The following KIF1C variants were observed in gnomAD, a reference collection of about 807,000 sequenced individuals.
The protein encoded by KIF1C is kinesin-like protein KIF1C.
Under a neutral mutation model 126.5 loss-of-function variants are expected in KIF1C, and 61 were observed. That is an observed-to-expected ratio of 0.48 (90% CI 0.39 to 0.60). KIF1C has a LOEUF of 0.60. KIF1C is among the 20% of genes least tolerant of loss of function. KIF1C has a pLI of 0.00. For missense variants in KIF1C, 1,315 were observed against 1,489.2 expected, an observed-to-expected ratio of 0.88 and a Z score of 1.93; for synonymous variants, 640 against 580.6, an observed-to-expected ratio of 1.10 and a Z score of -1.47.
chr17:5,019,690 C>G, intron 18 of KIF1C: 1 of 389,420 alleles, frequency 2.6e-6, no homozygotes. Context: ...AGCAGTTAAA[C>G]ATGAGGAATG....
In KIF1C at chr17:5,002,862, C is replaced by T. The variant is rs201019441; in HGVS notation, c.720+20C>T. Reference sequence around the variant, plus strand: ...GAGAAGGTGGGATCGCCCCCCCCCCCACTCCCCCACCGGATGCAACCTCCC... The same window carrying T: ...GAGAAGGTGGGATCGCCCCCCCCCCTACTCCCCCACCGGATGCAACCTCCC... On this transcript the variant is annotated intron_variant, in intron 8 of 22. Coordinates refer to ENST00000320785, the MANE Select transcript of KIF1C (RefSeq NM_006612.6). The T allele has an allele frequency of 1.1e-5, 16 of 1,484,716 alleles. No individual in the cohort carries two copies. Among genetic ancestry groups the T allele is most frequent in the African/African-American group, 1.8e-5 (1 of 56,760 alleles). The allele number at this position is 1,484,716 out of a possible 1,614,324, so 92.0% of individuals were successfully genotyped here.
In KIF1C at chr17:5,023,923, TCCC is replaced by T; in HGVS notation, c.3086_3088del (p.Pro1029del). The T allele has an allele frequency of 6.4e-7, 1 of 1,566,442 alleles. No individual in the cohort carries two copies. Among genetic ancestry groups the T allele is most frequent in the South Asian group, 1.2e-5 (1 of 84,410 alleles). On this transcript the variant is annotated inframe_deletion, in exon 23 of 23. Transcript: ENST00000320785. This position sits in a 1 kb window ranked among gnomAD's most constrained non-coding sequence, Gnocchi z 4.2. ...CTCCGAGTCCCCGAAGGTCCCACCA[TCCC>T]CGCAGGAACTCCCTGGATGGAGGGG... is the stretch of plus-strand genomic sequence containing the variant.
intron 16 of KIF1C, 30 bp downstream of exon 16, chr17:5,007,572 G>A (rs752417212): frequency 2.0e-6 from 3 of 1,515,024 alleles, no homozygotes; most frequent in South Asian, 2.6e-5. Context: ...AGGAGGCCTA[G>A]AGAGCTCTCT....
chr17:5,020,081 TAGA>T lies in KIF1C; in HGVS notation c.1750+6_1750+8del, dbSNP rs551276433. ...CGGAGCCGCTGGTGCTGAAGTCAGGTAGAAGATGTGTCGCAGATTGAGGGTTCT... is the reference window on the plus strand; with the variant it reads ...CGGAGCCGCTGGTGCTGAAGTCAGGTAGATGTGTCGCAGATTGAGGGTTCT... On this transcript the variant is annotated splice_donor_5th_base_variant and intron_variant, in intron 19 of 22. Coordinates refer to ENST00000320785, the MANE Select transcript of KIF1C (RefSeq NM_006612.6). The surrounding 1 kb of genome is among the most constrained non-coding windows in gnomAD (Gnocchi z 5.8). 2.1e-4 allele frequency: 328 copies of T among 1,583,496 alleles called. No homozygotes were observed. In the African/African-American group the frequency reaches 3.9e-3, roughly 19 times the overall value.
At chr17:5,021,046 T>C (rs953142334) in intron 21 of KIF1C, among the ~76,000 whole-genome samples, 168 bp downstream of exon 21, 2 of 151,982 alleles carry the variant, frequency 1.3e-5, no homozygotes, top group Admixed American at 6.6e-5. Flanking sequence ...GAAGAATCCA[T>C]TGTGAGGAAG....
chr17:5,021,219 C>G (rs1250214300), intron 21 of KIF1C, among the ~76,000 whole-genome samples: 1 of 125,028 alleles, frequency 8.0e-6, no homozygotes, highest in Non-Finnish European at 1.6e-5. Context: ...GTCACCCAGG[C>G]TGGAACGCAG....
At chr17:5,002,397 TC>T in intron 6 of KIF1C, 66 bp from the exon 7 acceptor site, 1 of 1,417,596 alleles carries the variant, frequency 7.1e-7, no homozygotes, top group East Asian at 2.3e-5. Flanking sequence ...TCCAGTGGAG[TC>T]AGATTAAGTT....
At chr17:5,012,112 G>A (rs1180927844) in intron 16 of KIF1C, 2 of 152,200 alleles carry the variant, frequency 1.3e-5, no homozygotes, top group Non-Finnish European at 2.9e-5. Context: ...TTGTAATGGT[G>A]TTTCCACGCC....
At position 5,022,661 on chromosome 17, in the gene KIF1C, C is replaced by T. The variant is rs1436491955; in HGVS notation, c.2580C>T (p.Ala860=). ...QNSSKDRELQ[A]LRDRMLRMER... ...GCAGCAAGGACCGGGAGCTGCAGGC[C>T]CTGCGGGACCGCATGCTCCGCATGG... Residue 860 remains alanine (A), a synonymous_variant, in exon 22 of 23, where the codon GCC becomes GCT. Transcript: ENST00000320785. The surrounding 1 kb of genome is among the most constrained non-coding windows in gnomAD (Gnocchi z 4.9). The T allele has an allele frequency of 6.3e-7, 1 of 1,594,176 alleles. No homozygotes were observed. The highest frequency in any genetic ancestry group is 1.7e-5 in the Admixed American group (1 of 58,404).
At position 5,023,968 on chromosome 17, in the gene KIF1C, G is replaced by C. The variant is rs774273753; in HGVS notation, c.3129G>C (p.Ala1043=). ...ATGGAGGGGGCCGATCCCGGGGAGC[G>C]GGTTCTGCACAGCCTGAACCCCAGC... ...SLDGGGRSRG[A]GSAQPEPQHF... The change falls in exon 23 of 23, where the codon GCG becomes GCC. Residue 1043 remains alanine (A), a synonymous_variant. Transcript: ENST00000320785. This position sits in a 1 kb window ranked among gnomAD's most constrained non-coding sequence, Gnocchi z 4.2. The C allele has an allele frequency of 1.6e-5, 26 of 1,581,312 alleles. No homozygotes were observed. Among genetic ancestry groups the C allele is most frequent in the Middle Eastern group, 1.7e-4 (1 of 5,882 alleles).
Position 5,022,165 on chromosome 17 carries a change from T to C in KIF1C, c.2084T>C (p.Leu695Ser). ...CEESWRLISS[L>S]REQLPPTTVQ... ...GAGAGCTGGAGGCTCATCTCCTCCT[T>C]GCGGGAGCAGCTGCCGCCCACCACG... The change falls in exon 22 of 23, where the codon TTG becomes TCG. Residue 695 changes from leucine (L) to serine (S), a missense_variant. Leu to Ser is a moderately radical substitution (Grantham distance 145). Coordinates refer to ENST00000320785, the MANE Select transcript of KIF1C (RefSeq NM_006612.6). The surrounding 1 kb of genome is among the most constrained non-coding windows in gnomAD (Gnocchi z 4.9). 1 of 1,614,048 alleles carries C rather than the reference T, an allele frequency of 6.2e-7. No homozygotes were observed. The highest frequency in any genetic ancestry group is 1.1e-5 in the South Asian group (1 of 91,084).
chr17:5,001,200 C>G (rs370271731), intron 4 of KIF1C, 22 bp from the exon 5 acceptor site: 27 of 1,612,118 alleles, frequency 1.7e-5, no homozygotes, highest in Non-Finnish European at 2.2e-5. Flanking sequence ...CTCTGTTTTT[C>G]TCTGCCCCCA....
chr17:5,007,207 A>G, intron 14 of KIF1C, 56 bp from the exon 15 acceptor site: 2 of 1,577,014 alleles, frequency 1.3e-6, no homozygotes, highest in Non-Finnish European at 1.7e-6. Context: ...GGTTGTCCCT[A>G]CCCTGGGTCT....
chr17:5,009,348 A>G (rs2143339206), intron 16 of KIF1C, among the ~76,000 whole-genome samples: 1 of 151,884 alleles, frequency 6.6e-6, no homozygotes, highest in South Asian at 2.1e-4. Context: ...CCCGGCTAAT[A>G]TTTTGTATTT....
chr17:5,025,841 T>C lies in KIF1C; in HGVS notation c.*1690T>C, dbSNP rs1238070534. 6.6e-6 allele frequency: 1 copy of C among 152,068 alleles called. No homozygotes were observed. The highest frequency in any genetic ancestry group is 1.5e-5 in the Non-Finnish European group (1 of 67,968). 9.4% of individuals were successfully genotyped at this position (152,068 alleles called of 1,614,324 possible). A position where few individuals can be genotyped will look rare whatever the true frequency, so the allele number is the denominator to read the frequency against. On this transcript the variant is annotated 3_prime_UTR_variant, in exon 23 of 23. Transcript: ENST00000320785. ...TTTCAAGAAAAATTAAAAAACTGTT[T>C]GTTGCCTGCTTGTTTTAATGTTCTG...
Position 5,020,355 on chromosome 17 carries a change from C to T in KIF1C, c.1751-137C>T. On this transcript the variant is annotated intron_variant, in intron 19 of 22. Coordinates refer to ENST00000320785, the MANE Select transcript of KIF1C (RefSeq NM_006612.6). This position sits in a 1 kb window ranked among gnomAD's most constrained non-coding sequence, Gnocchi z 5.8. ...TGGGTGTCAGCCAGGGGAGCATAGG[C>T]TCCAACTGCCTTCAGACTTGGGGTG... 2 of 928,868 alleles carry T rather than the reference C, an allele frequency of 2.2e-6. No homozygotes were observed. Among genetic ancestry groups the T allele is most frequent in the Non-Finnish European group, 3.2e-6 (2 of 624,006 alleles). 57.5% of individuals were successfully genotyped at this position (928,868 alleles called of 1,614,324 possible). A position where few individuals can be genotyped will look rare whatever the true frequency, so the allele number is the denominator to read the frequency against.
Position 5,003,914 on chromosome 17 carries a change from A to G in KIF1C, c.862A>G (p.Met288Val). The G allele has an allele frequency of 6.2e-6, 10 of 1,613,748 alleles. No individual in the cohort carries two copies. Among genetic ancestry groups the G allele is most frequent in the Non-Finnish European group, 8.5e-6 (10 of 1,179,684 alleles). ...GAAAGTGATCTCGGCCCTTGCAGAT[A>G]TGGTGAGACCTGGGTGTTGGAAAGA... ...LGKVISALADMQSKKRKSDFI... is the reference protein window; with the variant it reads ...LGKVISALADVQSKKRKSDFI... Residue 288 changes from methionine to valine, a missense_variant and splice_region_variant, in exon 10 of 23, where the codon ATG becomes GTG. Met to Val is a conservative substitution (Grantham distance 21). Coordinates refer to ENST00000320785, the MANE Select transcript of KIF1C (RefSeq NM_006612.6).
chr17:5,017,770 G>A (rs192390712), intron 18 of KIF1C, among the ~76,000 whole-genome samples: 5 of 152,120 alleles, frequency 3.3e-5, no homozygotes, highest in Admixed American at 2.0e-4. Context: ...GAGGCTCTCG[G>A]GGGTTAGGTG....
Position 5,023,354 on chromosome 17 carries a change from G to T in KIF1C, c.2629-114G>T, listed in dbSNP as rs1567729224. The T allele has an allele frequency of 7.0e-6, 6 of 856,314 alleles. No individual in the cohort carries two copies. The highest frequency in any genetic ancestry group is 1.1e-5 in the Non-Finnish European group (6 of 548,280). 53.0% of individuals were successfully genotyped at this position (856,314 alleles called of 1,614,324 possible). A position where few individuals can be genotyped will look rare whatever the true frequency, so the allele number is the denominator to read the frequency against. On this transcript the variant is annotated intron_variant, in intron 22 of 22. Coordinates refer to ENST00000320785, the MANE Select transcript of KIF1C (RefSeq NM_006612.6). The surrounding 1 kb of genome is among the most constrained non-coding windows in gnomAD (Gnocchi z 4.2). ...ATTTTTCGAGCTTCCTTATCTCTAGGCTTTTCTCTGGACCCTTTGACATCC... is the reference window on the plus strand; with the variant it reads ...ATTTTTCGAGCTTCCTTATCTCTAGTCTTTTCTCTGGACCCTTTGACATCC...
Sources: gnomAD v4.1 joint callset for allele counts (sites outside exome capture counted in the v4.1 genomes callset) on GRCh38, gnomAD v4.1.1 for gene constraint, Gnocchi (gnomAD v3.1) non-coding constraint, MANE v1.5 for transcripts, NCBI Gene and HGNC (gene_info 2026-07-23, HGNC 2026-07-21) for gene names.